The following GRAMD1B variants were observed in gnomAD, a reference collection of about 807,000 sequenced individuals.
GRAMD1B encodes the protein protein Aster-B.
Under a neutral mutation model 99.7 loss-of-function variants are expected in GRAMD1B, and 37 were observed. The ratio of observed to expected loss-of-function variants is 0.37; its 90% CI spans 0.29 to 0.49. The LOEUF (loss-of-function observed/expected upper bound fraction) is 0.49, where lower values mean the gene tolerates loss of function less well. GRAMD1B is among the 20% of genes least tolerant of loss of function. The pLI, the probability that GRAMD1B is intolerant of heterozygous loss-of-function variation, is 0.98. For synonymous variants in GRAMD1B, 427 were observed against 387.6 expected (o/e 1.10, Z -1.19); for missense variants, 888 against 1,009.2 (o/e 0.88, Z 1.63).
chr11:123,539,850 G>T (rs189275091), intron 2 of GRAMD1B, among the ~76,000 whole-genome samples: 2 of 152,236 alleles, frequency 1.3e-5, no homozygotes, highest in Admixed American at 1.3e-4. Context: ...TAGTGTTTCT[G>T]CCTACGGAAA....
chr11:123,422,132 G>T lies in GRAMD1B; in HGVS notation c.-175-58684G>T, dbSNP rs551540194. Reference sequence around the variant, plus strand: ...TTTGAGGCAAAAATGTGAGCATAGTGGTCCTGAGTCTCCATTTGTAGGAGA... The same window carrying T: ...TTTGAGGCAAAAATGTGAGCATAGTTGTCCTGAGTCTCCATTTGTAGGAGA... On this transcript the variant is annotated intron_variant, in intron 1 of 20. Transcript: ENST00000638157. 3.9e-5 allele frequency among the ~76,000 whole-genome samples: 6 copies of T among 152,296 alleles called. No homozygotes were observed. The East Asian group carries it at 1.2e-3, about 29-fold the overall frequency.
chr11:123,441,232 A>C (rs1408942908), intron 1 of GRAMD1B, among the ~76,000 whole-genome samples: 4 of 152,040 alleles, frequency 2.6e-5, no homozygotes, highest in Non-Finnish European at 5.9e-5. Flanking sequence ...GCAGGAACTA[A>C]GAATGAGTAC....
intron 1 of GRAMD1B, among the ~76,000 whole-genome samples, chr11:123,403,471 T>C (rs539887793): frequency 6.7e-6 from 1 of 148,226 alleles, no homozygotes; most frequent in South Asian, 2.1e-4. Context: ...ATAATAATAA[T>C]AATAATAATA....
intron 7 of GRAMD1B, chr11:123,598,282 G>A (rs2136657841): frequency 1.5e-6 from 2 of 1,339,898 alleles, no homozygotes; most frequent in African/African-American, 1.4e-5. Flanking sequence ...GTAGGGAATG[G>A]GTTTGCCAAG....
At chr11:123,607,360 C>T (rs1314938182) in intron 11 of GRAMD1B, among the ~76,000 whole-genome samples, 1 of 152,216 alleles carries the variant, frequency 6.6e-6, no homozygotes, top group Non-Finnish European at 1.5e-5. Flanking sequence ...CATGCTGCTG[C>T]TTACCTTCCA....
intron 19 of GRAMD1B, among the ~76,000 whole-genome samples, chr11:123,621,835 G>A (rs34333709): frequency 0.12 from 16,634 of 134,692 alleles, 1,013 homozygotes; most frequent in Admixed American, 0.21. Context: ...CCCTACCCAA[G>A]GGCTTCCCCA....
chr11:123,580,461 C>T (rs575244305), intron 3 of GRAMD1B, among the ~76,000 whole-genome samples: 1 of 152,322 alleles, frequency 6.6e-6, no homozygotes, highest in South Asian at 2.1e-4. Flanking sequence ...CCCTAGAGGA[C>T]ACCATGCCTT....
chr11:123,592,143 G>C (rs1340189754), intron 4 of GRAMD1B, among the ~76,000 whole-genome samples: 2 of 152,182 alleles, frequency 1.3e-5, no homozygotes, highest in African/African-American at 4.8e-5. Context: ...CTGGTCGGCT[G>C]CTCCTCAGGC....
chr11:123,442,959 C>T (rs2134281956), intron 1 of GRAMD1B, among the ~76,000 whole-genome samples: 1 of 151,914 alleles, frequency 6.6e-6, no homozygotes, highest in African/African-American at 2.4e-5. Flanking sequence ...GTGAGGATGA[C>T]TAGAGGTCAT....
intron 1 of GRAMD1B, among the ~76,000 whole-genome samples, chr11:123,456,319 AG>A (rs1347152460): frequency 1.3e-5 from 2 of 152,248 alleles, no homozygotes; most frequent in Admixed American, 6.5e-5. Flanking sequence ...TCTGCCCACC[AG>A]GAGTTTGACA....
intron 9 of GRAMD1B, among the ~76,000 whole-genome samples, chr11:123,604,443 A>G (rs1952426858): frequency 6.6e-6 from 1 of 152,202 alleles, no homozygotes; most frequent in South Asian, 2.1e-4. Flanking sequence ...ACTGTATCAC[A>G]TGCTGTCGAT....
At chr11:123,595,768 G>T (rs1344461093) in intron 6 of GRAMD1B, among the ~76,000 whole-genome samples, 174 bp from the exon 7 acceptor site, 3 of 152,172 alleles carry the variant, frequency 2.0e-5, no homozygotes, top group Non-Finnish European at 4.4e-5. Context: ...TTTGCTGTCT[G>T]CCCACTGTGA....
chr11:123,563,550 C>T lies in GRAMD1B; in HGVS notation c.453-13817C>T, dbSNP rs1231718084. Among the ~76,000 whole-genome samples the T allele has an allele frequency of 2.7e-5, 4 of 149,600 alleles. No homozygotes were observed. The Admixed American group carries it at 2.7e-4, about 10-fold the overall frequency. The stretch of plus-strand genomic sequence containing the variant: ...TTTTTGAGGCAAGGCCTCACTCTGT[C>T]ACCCATGCTGGAGTGCAGTGGCATG... On this transcript the variant is annotated intron_variant, in intron 2 of 19. Transcript: ENST00000635736.
rs372871402 is a variant in GRAMD1B at position 123,593,856 on chromosome 11, A to T, written c.685-226A>T. On this transcript the variant is annotated intron_variant, in intron 4 of 19. Transcript: ENST00000635736. Reference sequence around the variant, plus strand: ...CTCCTTGCTGTGTCTGGCATTTCTCACTGGTGGAGGCCCTGGCTGCATAGT... The same window carrying T: ...CTCCTTGCTGTGTCTGGCATTTCTCTCTGGTGGAGGCCCTGGCTGCATAGT... Among the ~76,000 whole-genome samples the T allele has an allele frequency of 1.8e-4, 27 of 151,962 alleles. No homozygotes were observed. The East Asian group carries it at 4.9e-3, about 27-fold the overall frequency.
chr11:123,619,599 G>GT, intron 19 of GRAMD1B: 3 of 1,041,428 alleles, frequency 2.9e-6, no homozygotes, highest in East Asian at 6.9e-5. Context: ...ATGTCTTTGA[G>GT]TTTTTTCAAA....
chr11:123,472,553 T>C (rs12790721), intron 1 of GRAMD1B, among the ~76,000 whole-genome samples: 24,632 of 152,178 alleles, frequency 0.16, 2,530 homozygotes, highest in Admixed American at 0.24. Context: ...GAAGGTTTAA[T>C]AGGCGAAAGA....
intron 2 of GRAMD1B, among the ~76,000 whole-genome samples, chr11:123,530,634 G>A (rs1943256255): frequency 6.6e-6 from 1 of 152,170 alleles, no homozygotes; most frequent in African/African-American, 2.4e-5. Flanking sequence ...ACCTGCCTTG[G>A]CCTCCCAAAG....
chr11:123,565,682 G>A (rs1947286653), intron 2 of GRAMD1B, among the ~76,000 whole-genome samples: 1 of 152,038 alleles, frequency 6.6e-6, no homozygotes, highest in Non-Finnish European at 1.5e-5. Context: ...AGGCCTGATG[G>A]CTGTTGTCAG....
intron 2 of GRAMD1B, among the ~76,000 whole-genome samples, chr11:123,516,461 T>G (rs1941677585): frequency 6.6e-6 from 1 of 152,248 alleles, no homozygotes; most frequent in Admixed American, 6.5e-5. Context: ...CTGTATTTAT[T>G]GGCAGTGATA....
Sources: allele counts gnomAD v4.1 joint callset (sites outside exome capture counted in the v4.1 genomes callset), GRCh38; gene constraint gnomAD v4.1.1; transcripts MANE v1.5; gene names NCBI Gene and HGNC (gene_info 2026-07-23, HGNC 2026-07-21).